RPS6KB1: variants seen among roughly 807,000 people sequenced by gnomAD.
RPS6KB1 encodes ribosomal protein S6 kinase beta-1.
RPS6KB1 carries 12 observed loss-of-function variants against 70.2 expected under a neutral mutation model. That is an observed-to-expected ratio of 0.17 (90% CI 0.11 to 0.28). RPS6KB1 has a LOEUF of 0.28. Among genes scored for constraint, RPS6KB1 ranks in the 10% least tolerant of loss-of-function variants. The pLI, the probability that RPS6KB1 is intolerant of heterozygous loss-of-function variation, is 1.00. For synonymous variants in RPS6KB1, 175 were observed against 211.2 expected, an observed-to-expected ratio of 0.83 and a Z score of 1.49; for missense variants, 270 against 646.6, an observed-to-expected ratio of 0.42 and a Z score of 6.32.
intron 12 of RPS6KB1, 135 bp downstream of exon 12, chr17:59,936,676 T>TA: frequency 2.8e-6 from 2 of 717,116 alleles, no homozygotes; most frequent in South Asian, 3.5e-5. Context: ...CAAGACTCCA[T>TA]ATCTACAAAA....
Position 59,921,203 on chromosome 17 carries a change from T to C in RPS6KB1, c.382-5232T>C, listed in dbSNP as rs188719643. On this transcript the variant is annotated intron_variant, in intron 4 of 14. Transcript: ENST00000225577. Reference sequence around the variant, plus strand: ...GGAAATCCATAGACTTAATTACTGCTAAGTGTCAGGCCTCATTCTGGGGCC... The same window carrying C: ...GGAAATCCATAGACTTAATTACTGCCAAGTGTCAGGCCTCATTCTGGGGCC... Among the ~76,000 whole-genome samples, 47 of 152,204 alleles carry C rather than the reference T, an allele frequency of 3.1e-4. No individual in the cohort carries two copies. In the East Asian group the frequency reaches 7.9e-3, roughly 26 times the overall value.
At chr17:59,939,681 C>T (rs1033123923) in intron 12 of RPS6KB1, among the ~76,000 whole-genome samples, 4 of 152,180 alleles carry the variant, frequency 2.6e-5, no homozygotes, top group African/African-American at 9.7e-5. Flanking sequence ...TTGACATGAC[C>T]ACATGGTCTG....
At chr17:59,908,286 G>A (rs1157977254) in intron 1 of RPS6KB1, among the ~76,000 whole-genome samples, 1 of 150,766 alleles carries the variant, frequency 6.6e-6, no homozygotes, top group African/African-American at 2.4e-5. Flanking sequence ...TTTGCCTCCC[G>A]TATCCAAGAG....
intron 4 of RPS6KB1, among the ~76,000 whole-genome samples, chr17:59,919,288 G>A (rs944166883): frequency 6.6e-6 from 1 of 152,114 alleles, no homozygotes; most frequent in East Asian, 1.9e-4. Context: ...ACTTTCGGAG[G>A]CTGAGGCAGG....
rs1265558128 is a variant in RPS6KB1 at position 59,946,460 on chromosome 17, A to G, written c.1341-91A>G. The G allele has an allele frequency of 1.0e-6, 1 of 965,416 alleles. No individual in the cohort carries two copies. Among genetic ancestry groups the G allele is most frequent in the African/African-American group, 1.6e-5 (1 of 61,042 alleles). The allele number at this position is 965,416 out of a possible 1,614,324, so 59.8% of individuals were successfully genotyped here. A position where few individuals can be genotyped will look rare whatever the true frequency, so the allele number is the denominator to read the frequency against. On this transcript the variant is annotated intron_variant, in intron 14 of 14. Transcript: ENST00000225577. The surrounding 1 kb of genome is among the most constrained non-coding windows in gnomAD (Gnocchi z 4.2). ...ATAAAATTAAATGAAAATAAATGTC[A>G]TGTTACCCCACTCCCTTTAAACGTA... is the stretch of plus-strand genomic sequence containing the variant.
intron 4 of RPS6KB1, among the ~76,000 whole-genome samples, chr17:59,921,460 C>T (rs1443621378): frequency 6.6e-6 from 1 of 152,134 alleles, no homozygotes; most frequent in East Asian, 1.9e-4. Flanking sequence ...CCTTTGAGTT[C>T]CTTCCTTCTG....
chr17:59,914,579 G>T (rs1454145069), intron 3 of RPS6KB1, 56 bp from the exon 4 acceptor site: 1 of 1,229,228 alleles, frequency 8.1e-7, no homozygotes, highest in African/African-American at 1.5e-5. Flanking sequence ...TAGGAATTAA[G>T]GGAGTATGCC....
intron 1 of RPS6KB1, among the ~76,000 whole-genome samples, chr17:59,897,914 A>G (rs1292038): frequency 0.56 from 83,940 of 150,418 alleles, 25,540 homozygotes; most frequent in African/African-American, 0.82. Flanking sequence ...GCAGTGAGCC[A>G]AGATCATACC....
chr17:59,918,405 T>G (rs2043082632), intron 4 of RPS6KB1, among the ~76,000 whole-genome samples: 2 of 152,212 alleles, frequency 1.3e-5, no homozygotes, highest in South Asian at 4.1e-4. Context: ...AGTCTCACTC[T>G]GTCGTGCAGG....
intron 1 of RPS6KB1, among the ~76,000 whole-genome samples, chr17:59,901,570 G>A (rs572283145): frequency 5.4e-4 from 79 of 145,582 alleles, no homozygotes; most frequent in African/African-American, 2.0e-3. Context: ...CAGATGGAGC[G>A]CATGAGCCTA....
At chr17:59,908,613 ATTTTTTT>A (rs546677930) in intron 1 of RPS6KB1, among the ~76,000 whole-genome samples, 110 of 106,190 alleles carry the variant, frequency 1.0e-3, no homozygotes, top group African/African-American at 3.3e-3. Flanking sequence ...TGTAAAAAAA[ATTTTTTT>A]TTTTTTTTTT....
Position 59,917,147 on chromosome 17 carries a change from C to CGG in RPS6KB1, c.381+2444_381+2445insGG, listed in dbSNP as rs2043004645. Among the ~76,000 whole-genome samples, 3 of 152,140 alleles carry CGG rather than the reference C, an allele frequency of 2.0e-5. No homozygotes were observed. The South Asian group carries it at 6.2e-4, about 32-fold the overall frequency. ...ATTTAGTTAGTTTTTGAGATAGGGT[C>CGG]TCGCCCTGTCACCTAGACAGGAGTG... is the stretch of plus-strand genomic sequence containing the variant. On this transcript the variant is annotated intron_variant, in intron 4 of 14. Transcript: ENST00000225577.
At chr17:59,906,696 TTTTG>T (rs748397213) in intron 1 of RPS6KB1, among the ~76,000 whole-genome samples, 3 of 152,028 alleles carry the variant, frequency 2.0e-5, no homozygotes, top group Admixed American at 6.6e-5. Flanking sequence ...CTTTACTTTT[TTTTG>T]TTTGTTTGTT....
At chr17:59,898,966 G>T (rs2041736276) in intron 1 of RPS6KB1, among the ~76,000 whole-genome samples, 1 of 151,466 alleles carries the variant, frequency 6.6e-6, no homozygotes, top group Admixed American at 6.6e-5. Context: ...ACTTTGGGAG[G>T]CCAAGGTGGG....
At chr17:59,924,801 CT>C (rs959339883) in intron 4 of RPS6KB1, among the ~76,000 whole-genome samples, 2 of 150,638 alleles carry the variant, frequency 1.3e-5, no homozygotes, top group Non-Finnish European at 3.0e-5. Flanking sequence ...AGAAATTTTT[CT>C]TATTTTTATT....
At position 59,916,199 on chromosome 17, in the gene RPS6KB1, A is replaced by C. The variant is rs1463612069; in HGVS notation, c.381+1496A>C. Among the ~76,000 whole-genome samples the C allele has an allele frequency of 2.6e-5, 4 of 151,838 alleles. No individual in the cohort carries two copies. The East Asian group carries it at 7.8e-4, about 30-fold the overall frequency. ...CACTGCAACCTCCACCTCCCAGGTT[A>C]AAGCGATTCCTCTGCTTCAGCTTCC... On this transcript the variant is annotated intron_variant, in intron 4 of 14. Coordinates refer to ENST00000225577, the MANE Select transcript of RPS6KB1 (RefSeq NM_003161.4).
Position 59,910,617 on chromosome 17 carries a change from T to C in RPS6KB1, c.191+6T>C. 1.9e-6 allele frequency: 3 copies of C among 1,558,512 alleles called. No individual in the cohort carries two copies. Among genetic ancestry groups the C allele is most frequent in the Non-Finnish European group, 2.6e-6 (3 of 1,139,362 alleles). On this transcript the variant is annotated splice_donor_region_variant and intron_variant, in intron 2 of 14. Transcript: ENST00000225577. ...GGAGTTGGACCATATGAACTGTAAG[T>C]TTATATGAAGAGATTTTCATTGTGT...
chr17:59,948,404 T>A lies in RPS6KB1; in HGVS notation c.*1616T>A, dbSNP rs1260223853. On this transcript the variant is annotated 3_prime_UTR_variant, in exon 15 of 15. Transcript: ENST00000225577. ...ATATTTTGCAACCCTAGGATTTTTT[T>A]AAATAGATGCTGCTTGCTATGTTTT... 6.6e-6 allele frequency: 1 copy of A among 152,626 alleles called. No individual in the cohort carries two copies. The highest frequency in any genetic ancestry group is 2.4e-5 in the African/African-American group (1 of 41,440). 9.5% of individuals were successfully genotyped at this position (152,626 alleles called of 1,614,324 possible).
intron 1 of RPS6KB1, among the ~76,000 whole-genome samples, chr17:59,906,690 A>G (rs2042282320): frequency 6.6e-6 from 1 of 150,916 alleles, no homozygotes; most frequent in Admixed American, 6.6e-5. Context: ...TTCTTTCTTT[A>G]CTTTTTTTTG....
Sources: gnomAD v4.1 joint callset for allele counts (sites outside exome capture counted in the v4.1 genomes callset) on GRCh38, gnomAD v4.1.1 for gene constraint, Gnocchi (gnomAD v3.1) non-coding constraint, MANE v1.5 for transcripts, NCBI Gene and HGNC (gene_info 2026-07-23, HGNC 2026-07-21) for gene names.